GRID2: variants seen among roughly 807,000 people sequenced by gnomAD.
The protein encoded by GRID2 is glutamate ionotropic receptor delta type subunit 2, also known as glutamate receptor ionotropic, delta-2.
A neutral mutation model predicts 114.8 loss-of-function variants in GRID2; 33 were observed. That is an observed-to-expected ratio of 0.29 (90% CI 0.22 to 0.38). The LOEUF is 0.38. Among genes scored for constraint, GRID2 ranks in the 10% least tolerant of loss-of-function variants. The pLI is 1.00. For synonymous variants in GRID2, 505 were observed against 449.9 expected (o/e 1.12, Z -1.55); for missense variants, 1,184 against 1,257.7 (o/e 0.94, Z 0.89).
chr4:92,721,159 A>G (rs748496937), intron 2 of GRID2, among the ~76,000 whole-genome samples: 22 of 152,120 alleles, frequency 1.4e-4, no homozygotes, highest in Non-Finnish European at 3.1e-4. Context: ...AGGGTGGGAC[A>G]AATGGGAAGT....
At chr4:92,515,741 G>A (rs970537085) in intron 1 of GRID2, among the ~76,000 whole-genome samples, 5 of 151,848 alleles carry the variant, frequency 3.3e-5, no homozygotes, top group South Asian at 2.1e-4. Context: ...ACCTACTAAC[G>A]GTTGAGCTTT....
At chr4:92,960,019 G>T (rs1413875737) in intron 2 of GRID2, among the ~76,000 whole-genome samples, 1 of 151,450 alleles carries the variant, frequency 6.6e-6, no homozygotes, top group Non-Finnish European at 1.5e-5. Context: ...AAAAAAAGGA[G>T]AGAAGAGAAA....
chr4:93,387,829 C>CAAAAA (rs11453782), intron 8 of GRID2, among the ~76,000 whole-genome samples: 1 of 99,092 alleles, frequency 1.0e-5, no homozygotes, highest in African/African-American at 3.2e-5. Context: ...GACTCTGTCT[C>CAAAAA]AAAAAAAAAA....
rs768426528 is a variant in GRID2 at position 93,455,714 on chromosome 4, T to C, written c.1598T>C (p.Val533Ala). The C allele has an allele frequency of 5.8e-5, 93 of 1,612,920 alleles. 2 individuals carry two copies. The South Asian group carries it at 9.2e-4, about 16-fold the overall frequency. Reference protein sequence around the residue: ...ALTITPDRENVVDFTTRYMDY... With the variant: ...ALTITPDRENAVDFTTRYMDY... The stretch of plus-strand genomic sequence containing the variant: ...ACCATCACTCCAGATCGTGAAAATG[T>C]GGTGGACTTTACGACACGTTACATG... Residue 533 changes from valine (V) to alanine (A), a missense_variant, in exon 11 of 16, where the codon GTG becomes GCG. Val to Ala is a moderately conservative substitution (Grantham distance 64). Coordinates refer to ENST00000282020, the MANE Select transcript of GRID2 (RefSeq NM_001510.4).
At chr4:92,324,751 TA>T (rs1196765961) in intron 1 of GRID2, among the ~76,000 whole-genome samples, 3 of 152,002 alleles carry the variant, frequency 2.0e-5, no homozygotes, top group African/African-American at 7.2e-5. Context: ...TGAAAATCTA[TA>T]TATGCTGATA....
intron 4 of GRID2, among the ~76,000 whole-genome samples, chr4:93,150,004 A>G (rs1736597908): frequency 6.6e-6 from 1 of 152,170 alleles, no homozygotes; most frequent in African/African-American, 2.4e-5. Context: ...AGAAGTATCC[A>G]TTGGTCAATT....
chr4:93,241,570 A>G (rs536363223), intron 8 of GRID2, among the ~76,000 whole-genome samples: 1 of 151,922 alleles, frequency 6.6e-6, no homozygotes, highest in South Asian at 2.1e-4. Flanking sequence ...ATTTGCTACC[A>G]CCTTGCATAA....
At chr4:92,459,460 T>C (rs1579402172) in intron 1 of GRID2, among the ~76,000 whole-genome samples, 1 of 152,308 alleles carries the variant, frequency 6.6e-6, no homozygotes, top group Non-Finnish European at 1.5e-5. Context: ...TGGACAACTT[T>C]GGAGTGAAAA....
Position 93,621,120 on chromosome 4 carries a change from G to A in GRID2, c.2194-5149G>A, listed in dbSNP as rs181415674. 4.6e-5 allele frequency among the ~76,000 whole-genome samples: 7 copies of A among 152,190 alleles called. No homozygotes were observed. The East Asian group carries it at 1.3e-3, about 29-fold the overall frequency. Reference sequence around the variant, plus strand: ...ATTTTAGAGTTAATGTGTAATGATTGTTAGTAAAATTGAATTTAAACAACA... The same window carrying A: ...ATTTTAGAGTTAATGTGTAATGATTATTAGTAAAATTGAATTTAAACAACA... On this transcript the variant is annotated intron_variant, in intron 13 of 15. Coordinates refer to ENST00000282020, the MANE Select transcript of GRID2 (RefSeq NM_001510.4).
chr4:93,597,691 T>C (rs1739240783), intron 13 of GRID2, among the ~76,000 whole-genome samples: 1 of 152,228 alleles, frequency 6.6e-6, no homozygotes, highest in Admixed American at 6.5e-5. Context: ...CTTCATTGCC[T>C]GTCCTCTTTT....
chr4:92,732,875 T>A (rs756761679), intron 2 of GRID2, among the ~76,000 whole-genome samples: 1 of 152,124 alleles, frequency 6.6e-6, no homozygotes, highest in Non-Finnish European at 1.5e-5. Context: ...GCATTTGTCG[T>A]TGTACATTTT....
chr4:93,679,967 CA>C (rs200379076), intron 14 of GRID2, among the ~76,000 whole-genome samples: 2 of 150,944 alleles, frequency 1.3e-5, no homozygotes, highest in Non-Finnish European at 3.0e-5. Flanking sequence ...AAAAACCTTT[CA>C]AAAAATTAAT....
chr4:93,795,142 C>G (rs1470649935), intron 1 of GRID2, among the ~76,000 whole-genome samples: 1 of 151,780 alleles, frequency 6.6e-6, no homozygotes, highest in Non-Finnish European at 1.5e-5. Context: ...TATATTTAAT[C>G]TCAGATATAA....
intron 8 of GRID2, among the ~76,000 whole-genome samples, chr4:93,339,524 T>C (rs958473613): frequency 2.0e-5 from 3 of 152,192 alleles, no homozygotes; most frequent in Non-Finnish European, 4.4e-5. Context: ...TCAGAGGGAA[T>C]ATGGCCCTGA....
chr4:93,650,028 A>C (rs1443021160), intron 14 of GRID2, among the ~76,000 whole-genome samples: 1 of 152,122 alleles, frequency 6.6e-6, no homozygotes, highest in Non-Finnish European at 1.5e-5. Context: ...CCCCATCTGC[A>C]TTCCAAGGCA....
intron 13 of GRID2, among the ~76,000 whole-genome samples, chr4:93,599,303 G>A (rs1338104055): frequency 1.3e-5 from 2 of 152,142 alleles, no homozygotes; most frequent in African/African-American, 4.8e-5. Context: ...GTCATTAGTG[G>A]TCACTTCTAA....
chr4:93,165,369 A>T (rs1429072266), intron 4 of GRID2, among the ~76,000 whole-genome samples: 1 of 151,838 alleles, frequency 6.6e-6, no homozygotes, highest in African/African-American at 2.4e-5. Context: ...AAGGTTATTA[A>T]TAGAGTGTGG....
intron 1 of GRID2, among the ~76,000 whole-genome samples, chr4:92,502,949 C>T (rs371136251): frequency 4.5e-4 from 69 of 151,854 alleles, no homozygotes; most frequent in African/African-American, 1.5e-3. Flanking sequence ...AACTGCTGAC[C>T]CCATGATCAG....
At chr4:92,411,213 C>T (rs544380729) in intron 1 of GRID2, among the ~76,000 whole-genome samples, 44 of 152,136 alleles carry the variant, frequency 2.9e-4, no homozygotes, top group African/African-American at 9.6e-4. Context: ...TATTTATGTA[C>T]GTGAACTGCT....
Sources: gnomAD v4.1 joint callset for allele counts (sites outside exome capture counted in the v4.1 genomes callset) on GRCh38, gnomAD v4.1.1 for gene constraint, MANE v1.5 for transcripts, NCBI Gene and HGNC (gene_info 2026-07-23, HGNC 2026-07-21) for gene names.